Variants in IL12RB2 observed in about 807,000 individuals in gnomAD.
The protein encoded by IL12RB2 is interleukin 12 receptor subunit beta 2.
IL12RB2 carries 82 observed loss-of-function variants against 89.4 expected under a neutral mutation model. The ratio of observed to expected loss-of-function variants is 0.92; its 90% CI spans 0.77 to 1.10. The LOEUF (loss-of-function observed/expected upper bound fraction) is 1.10, where lower values mean the gene tolerates loss of function less well. Among genes scored for constraint, IL12RB2 ranks in the 50% least tolerant of loss-of-function variants. The pLI is 0.00. For synonymous variants in IL12RB2, 368 were observed against 370.1 expected (o/e 0.99, Z 0.07); for missense variants, 963 against 1,031.9 (o/e 0.93, Z 0.92).
chr1:67,343,902 A>C (rs112250769), intron 9 of IL12RB2, among the ~76,000 whole-genome samples: 2 of 152,252 alleles, frequency 1.3e-5, no homozygotes, highest in African/African-American at 4.8e-5. Context: ...TTGCTCAAAC[A>C]AACATATGAA....
intron 2 of IL12RB2, among the ~76,000 whole-genome samples, chr1:67,314,336 C>G (rs914087404): frequency 6.6e-6 from 1 of 152,084 alleles, no homozygotes; most frequent in Non-Finnish European, 1.5e-5. Context: ...GAAATACAAA[C>G]GAGGGAATCA....
chr1:67,357,890 C>T (rs1661573235), intron 10 of IL12RB2, among the ~76,000 whole-genome samples: 1 of 151,794 alleles, frequency 6.6e-6, no homozygotes, highest in Admixed American at 6.6e-5. Context: ...ACTGAAAGAG[C>T]AGAAATAGAA....
chr1:67,336,858 G>T (rs1658835048), intron 8 of IL12RB2, among the ~76,000 whole-genome samples: 1 of 152,188 alleles, frequency 6.6e-6, no homozygotes, highest in Admixed American at 6.5e-5. Flanking sequence ...TAACCTTTCA[G>T]CACTTCAGTT....
chr1:67,337,913 A>AAG (rs1553313307), intron 8 of IL12RB2, among the ~76,000 whole-genome samples: 1 of 144,706 alleles, frequency 6.9e-6, no homozygotes, highest in Non-Finnish European at 1.5e-5. Context: ...AAAAAAAAAA[A>AAG]AAAAGAAAAG....
In IL12RB2 at chr1:67,326,819, A is replaced by T. The variant is rs754607998; in HGVS notation, c.449A>T (p.Asp150Val). The T allele has an allele frequency of 6.2e-7, 1 of 1,613,754 alleles. No homozygotes were observed. The highest frequency in any genetic ancestry group is 1.7e-5 in the Admixed American group (1 of 60,008). ...TVACTWERGR[D>V]THLYTEYTLQ... Reference sequence around the variant, plus strand: ...GCCTGCACCTGGGAAAGAGGACGAGACACCCACTTATACACTGAGTATACT... The same window carrying T: ...GCCTGCACCTGGGAAAGAGGACGAGTCACCCACTTATACACTGAGTATACT... Residue 150 changes from aspartate (D) to valine (V), a missense_variant, in exon 5 of 17, where the codon GAC becomes GTC. By Grantham distance (152) the Asp-to-Val change is radical (BLOSUM62 -3). Coordinates refer to ENST00000674203, the MANE Select transcript of IL12RB2 (RefSeq NM_001374259.2).
intron 10 of IL12RB2, among the ~76,000 whole-genome samples, chr1:67,355,115 A>T (rs2100874001): frequency 1.3e-5 from 2 of 151,588 alleles, no homozygotes; most frequent in South Asian, 2.1e-4. Context: ...GACATTATCT[A>T]AAAAAAAGAA....
chr1:67,349,197 G>A (rs1660561201), intron 9 of IL12RB2, among the ~76,000 whole-genome samples: 1 of 152,176 alleles, frequency 6.6e-6, no homozygotes, highest in African/African-American at 2.4e-5. Flanking sequence ...GTGGGAGGGA[G>A]ATAATAAGAC....
In IL12RB2 at chr1:67,395,666, C is replaced by A. The variant is rs747732697; in HGVS notation, c.2166C>A (p.Pro722=). 8 of 1,614,106 alleles carry A rather than the reference C, an allele frequency of 5.0e-6. No individual in the cohort carries two copies. In the South Asian group the frequency reaches 7.7e-5, roughly 16 times the overall value. Residue 722 remains proline, a synonymous_variant, in exon 17 of 17, where the codon CCC becomes CCA. Coordinates refer to ENST00000674203, the MANE Select transcript of IL12RB2 (RefSeq NM_001374259.2). ...TGACCCCAGTTTTCAGACATCCCCC[C>A]TGCTCCAACTGGCCACAAAGGGAAA... ...HQVTPVFRHP[P]CSNWPQREKG... is the part of the protein sequence containing the mutation.
At chr1:67,375,960 C>T (rs1389848226) in intron 13 of IL12RB2, among the ~76,000 whole-genome samples, 1 of 151,614 alleles carries the variant, frequency 6.6e-6, no homozygotes, top group Non-Finnish European at 1.5e-5. Flanking sequence ...CATTCTCCTG[C>T]CTCAGCCTCC....
chr1:67,335,407 G>A (rs999697564), intron 8 of IL12RB2, among the ~76,000 whole-genome samples: 3 of 152,114 alleles, frequency 2.0e-5, no homozygotes, highest in Admixed American at 6.5e-5. Flanking sequence ...GAGTTTGAAC[G>A]TTTTCATGGT....
chr1:67,370,036 AC>A (rs1298335359), intron 11 of IL12RB2, among the ~76,000 whole-genome samples: 13 of 151,830 alleles, frequency 8.6e-5, no homozygotes, highest in South Asian at 2.1e-4. Flanking sequence ...AAAAAAAAAA[AC>A]AATATACTAA....
intron 3 of IL12RB2, 122 bp from the exon 4 acceptor site, chr1:67,321,480 T>C (rs1656515096): frequency 2.7e-6 from 2 of 738,778 alleles, no homozygotes; most frequent in African/African-American, 1.7e-5. Flanking sequence ...ACATGTAGGT[T>C]AATTATATTT....
intron 3 of IL12RB2, 69 bp downstream of exon 3, chr1:67,320,513 T>C: frequency 2.5e-6 from 4 of 1,608,286 alleles, no homozygotes; most frequent in South Asian, 1.1e-5. Context: ...AGATGAAGTA[T>C]GTATTTGTGG....
intron 1 of IL12RB2, among the ~76,000 whole-genome samples, 194 bp from the exon 2 acceptor site, chr1:67,313,719 A>G (rs1378155228): frequency 6.6e-6 from 1 of 152,158 alleles, no homozygotes; most frequent in Non-Finnish European, 1.5e-5. Flanking sequence ...CCAGCTGCTC[A>G]GGAGGTTGAG....
At chr1:67,369,068 T>C (rs1162365646) in intron 11 of IL12RB2, among the ~76,000 whole-genome samples, 1 of 152,182 alleles carries the variant, frequency 6.6e-6, no homozygotes, top group Non-Finnish European at 1.5e-5. Flanking sequence ...ATGAAATAAA[T>C]AGCACACTGC....
chr1:67,372,231 T>A (rs977504149), intron 11 of IL12RB2, among the ~76,000 whole-genome samples: 12 of 152,166 alleles, frequency 7.9e-5, no homozygotes, highest in Admixed American at 7.9e-4. Context: ...TTGGGAGCAG[T>A]AACTTCCAGA....
intron 3 of IL12RB2, among the ~76,000 whole-genome samples, chr1:67,320,719 G>A (rs1656376236): frequency 6.6e-6 from 1 of 152,060 alleles, no homozygotes; most frequent in Non-Finnish European, 1.5e-5. Flanking sequence ...TTACATTTCA[G>A]CACATTTTTC....
intron 10 of IL12RB2, among the ~76,000 whole-genome samples, chr1:67,364,174 T>C (rs1050339299): frequency 5.3e-5 from 8 of 152,202 alleles, no homozygotes; most frequent in African/African-American, 1.7e-4. Context: ...GCGGATCACT[T>C]GAGGTCAGGA....
chr1:67,379,875 TGC>T, intron 13 of IL12RB2, 109 bp from the exon 14 acceptor site: 1 of 893,590 alleles, frequency 1.1e-6, no homozygotes, highest in Non-Finnish European at 1.9e-6. Flanking sequence ...AATAGCAAAA[TGC>T]TTTTTCCTTC....
Sources: allele counts gnomAD v4.1 joint callset (sites outside exome capture counted in the v4.1 genomes callset), GRCh38; gene constraint gnomAD v4.1.1; transcripts MANE v1.5; gene names NCBI Gene and HGNC (gene_info 2026-07-23, HGNC 2026-07-21).